Variants in CSMD3 observed in about 807,000 individuals in gnomAD.
CSMD3 encodes the protein CUB and Sushi multiple domains 3, also known as CUB and sushi domain-containing protein 3.
A neutral mutation model predicts 435.2 loss-of-function variants in CSMD3; 177 were observed. That is an observed-to-expected ratio of 0.41 (90% CI 0.36 to 0.46). CSMD3 has a LOEUF of 0.46. Among genes scored for constraint, CSMD3 ranks in the 20% least tolerant of loss-of-function variants. The pLI is 0.34. For synonymous variants in CSMD3, 1,656 were observed against 1,520.5 expected, an observed-to-expected ratio of 1.09 and a Z score of -2.07; for missense variants, 4,265 against 4,504.6, an observed-to-expected ratio of 0.95 and a Z score of 1.52.
At chr8:112,505,601 C>G (rs1822417402) in intron 29 of CSMD3, among the ~76,000 whole-genome samples, 1 of 152,052 alleles carries the variant, frequency 6.6e-6, no homozygotes, top group South Asian at 2.1e-4. Context: ...ATCAATACTT[C>G]AAGTATTGTA....
At chr8:113,376,734 C>T (rs1363056661) in intron 1 of CSMD3, 2 of 1,613,848 alleles carry the variant, frequency 1.2e-6, no homozygotes, top group Non-Finnish European at 1.7e-6. Context: ...GCCAGGATAT[C>T]TACCTGAGGC....
intron 70 of CSMD3, among the ~76,000 whole-genome samples, chr8:112,227,186 T>C (rs936762787): frequency 2.0e-5 from 3 of 152,186 alleles, no homozygotes; most frequent in Admixed American, 1.3e-4. Context: ...GTCCATCAAT[T>C]GATGAATGGA....
chr8:112,744,782 GTGCAAA>G (rs1207168973), intron 13 of CSMD3, among the ~76,000 whole-genome samples: 1 of 152,074 alleles, frequency 6.6e-6, no homozygotes, highest in Non-Finnish European at 1.5e-5. Context: ...AGCTTTCCAA[GTGCAAA>G]TAGCATTACA....
intron 9 of CSMD3, among the ~76,000 whole-genome samples, chr8:112,931,576 A>C (rs1033475815): frequency 2.6e-5 from 4 of 152,228 alleles, no homozygotes; most frequent in Admixed American, 6.6e-5. Context: ...ATCACAGGAA[A>C]CAAAAAGAAA....
intron 5 of CSMD3, among the ~76,000 whole-genome samples, chr8:113,094,876 C>T (rs181082546): frequency 4.7e-4 from 72 of 151,976 alleles, no homozygotes; most frequent in African/African-American, 1.6e-3. Context: ...TGGAGACCAC[C>T]CTGGCTAACA....
chr8:112,444,046 A>G (rs1476266406), intron 32 of CSMD3, among the ~76,000 whole-genome samples: 1 of 152,214 alleles, frequency 6.6e-6, no homozygotes, highest in Non-Finnish European at 1.5e-5. Flanking sequence ...AGAACTGAGT[A>G]ACTATTTTTG....
chr8:113,203,110 CAGA>C (rs2092731611), intron 3 of CSMD3, among the ~76,000 whole-genome samples: 1 of 151,930 alleles, frequency 6.6e-6, no homozygotes, highest in Non-Finnish European at 1.5e-5. Context: ...AGTAAATAGC[CAGA>C]AGGAGGATAC....
chr8:112,544,672 A>T (rs1053888755), intron 27 of CSMD3, among the ~76,000 whole-genome samples: 2 of 152,134 alleles, frequency 1.3e-5, no homozygotes, highest in African/African-American at 4.8e-5. Context: ...ACTATTCTGG[A>T]TCATTTTCTG....
intron 32 of CSMD3, among the ~76,000 whole-genome samples, chr8:112,461,023 C>T (rs963292390): frequency 6.6e-6 from 1 of 152,060 alleles, no homozygotes; most frequent in African/African-American, 2.4e-5. Flanking sequence ...TTTTCAAATA[C>T]ATTATTTCAA....
At chr8:112,425,232 A>G (rs565754539) in intron 32 of CSMD3, among the ~76,000 whole-genome samples, 9 of 152,210 alleles carry the variant, frequency 5.9e-5, no homozygotes, top group Non-Finnish European at 1.0e-4. Context: ...TTTGTGAAAG[A>G]GTCATGTGGC....
intron 9 of CSMD3, among the ~76,000 whole-genome samples, chr8:112,937,989 C>G (rs569502825): frequency 6.6e-6 from 1 of 152,200 alleles, no homozygotes; most frequent in South Asian, 2.1e-4. Context: ...GAAAGTTGAT[C>G]GTATGAATTG....
chr8:113,337,286 T>C (rs953265748), intron 1 of CSMD3, among the ~76,000 whole-genome samples: 6 of 152,128 alleles, frequency 3.9e-5, no homozygotes, highest in African/African-American at 1.4e-4. Flanking sequence ...GGGTTTTTAG[T>C]TGTTTGTAGC....
chr8:112,785,292 C>G (rs2078508283), intron 13 of CSMD3, among the ~76,000 whole-genome samples: 1 of 151,866 alleles, frequency 6.6e-6, no homozygotes, highest in African/African-American at 2.4e-5. Context: ...AACAGACACA[C>G]AGGTAGTATA....
chr8:112,439,870 C>T (rs79703934), intron 32 of CSMD3, among the ~76,000 whole-genome samples: 3 of 150,086 alleles, frequency 2.0e-5, no homozygotes, highest in African/African-American at 4.9e-5. Flanking sequence ...GGTCCCCCCC[C>T]GCCAACATGT....
At chr8:112,331,853 G>A (rs1320605034) in intron 45 of CSMD3, among the ~76,000 whole-genome samples, 2 of 151,864 alleles carry the variant, frequency 1.3e-5, no homozygotes, top group African/African-American at 4.8e-5. Context: ...TTATATACTT[G>A]GTTTATTTAT....
intron 1 of CSMD3, among the ~76,000 whole-genome samples, chr8:113,343,568 G>A (rs995084357): frequency 6.6e-6 from 1 of 152,124 alleles, no homozygotes; most frequent in Non-Finnish European, 1.5e-5. Flanking sequence ...CTATCGTACA[G>A]GCTCAGGCTT....
At chr8:113,318,841 G>GTATA (rs1009629641) in intron 1 of CSMD3, among the ~76,000 whole-genome samples, 5 of 131,538 alleles carry the variant, frequency 3.8e-5, no homozygotes, top group African/African-American at 1.4e-4. Flanking sequence ...ATTCCATTGT[G>GTATA]TATATATAAA....
chr8:113,088,978 T>G (rs1415547611), intron 5 of CSMD3, among the ~76,000 whole-genome samples: 1 of 152,134 alleles, frequency 6.6e-6, no homozygotes, highest in Non-Finnish European at 1.5e-5. Flanking sequence ...TAAACACATA[T>G]TTTTCTTCAA....
chr8:113,024,419 G>C (rs1281420462), intron 5 of CSMD3, among the ~76,000 whole-genome samples: 1 of 151,792 alleles, frequency 6.6e-6, no homozygotes, highest in Non-Finnish European at 1.5e-5. Context: ...ATAAAAATAG[G>C]AGTTCATATA....
Sources: allele counts gnomAD v4.1 joint callset (sites outside exome capture counted in the v4.1 genomes callset), GRCh38; gene constraint gnomAD v4.1.1; transcripts MANE v1.5; gene names NCBI Gene and HGNC (gene_info 2026-07-23, HGNC 2026-07-21).